Variants in SKOR2 observed in about 807,000 individuals in gnomAD.
The protein encoded by SKOR2 is LBX1 corepressor 1-like protein.
Under a neutral mutation model 69.1 loss-of-function variants are expected in SKOR2, and 47 were observed. That is an observed-to-expected ratio of 0.68 (90% confidence interval 0.54 to 0.87). The LOEUF (loss-of-function observed/expected upper bound fraction) is 0.87, where lower values mean the gene tolerates loss of function less well. SKOR2 is among the 40% of genes least tolerant of loss of function. SKOR2 has a pLI of 0.00. For missense variants in SKOR2, 1,404 were observed against 1,472.2 expected, an observed-to-expected ratio of 0.95 and a Z score of 0.76; for synonymous variants, 717 against 672.6, an observed-to-expected ratio of 1.07 and a Z score of -1.02.
chr18:47,212,408 T>C (rs760310505), intron 7 of SKOR2, among the ~76,000 whole-genome samples: 1 of 152,230 alleles, frequency 6.6e-6, no homozygotes, highest in Non-Finnish European at 1.5e-5. Context: ...CATGTGATGT[T>C]TCACTTTTTA....
intron 3 of SKOR2, among the ~76,000 whole-genome samples, chr18:47,245,185 A>C (rs1169247356): frequency 6.6e-6 from 1 of 152,208 alleles, no homozygotes; most frequent in African/African-American, 2.4e-5. Flanking sequence ...AAGATATCTA[A>C]GAATTTTAGC....
rs77073740 is a variant in SKOR2, at chr18:47,241,395, G to T, written c.2752+3513C>A. On this transcript the variant is annotated intron_variant, in intron 4 of 8. Transcript: ENST00000425639. ...ATTTCTGACACTTTGCCAAATAAAT[G>T]GATTCTCAGGATCTGACCACAAGTA... Among the ~76,000 whole-genome samples, 232 of 152,206 alleles carry T rather than the reference G, an allele frequency of 1.5e-3. 4 individuals are homozygous for T. In the East Asian group the frequency reaches 0.033, roughly 22 times the overall value.
rs2064278147 is a variant in SKOR2, at chr18:47,246,945, C to A, written c.2239G>T (p.Glu747Ter). 6.7e-7 allele frequency: 1 copy of A among 1,497,518 alleles called. No homozygotes were observed. Among genetic ancestry groups the A allele is most frequent in the Non-Finnish European group, 8.8e-7 (1 of 1,129,998 alleles). The allele number at this position is 1,497,518 out of a possible 1,614,324, so 92.8% of individuals were successfully genotyped here. Residue 747 changes from glutamate to a stop codon, truncating the protein, a stop_gained, in exon 2 of 9, where the codon GAG (glutamate) becomes TAG (stop). Coordinates refer to ENST00000425639, the MANE Select transcript of SKOR2 (RefSeq NM_001278063.4). LOFTEE classifies it high-confidence loss of function. Reference sequence around the variant, plus strand: ...TCGCCCTCGGGGGGCTTGTGGCCCTCCACGTCCACCTCCTGCTCTTCTTCC... The same window carrying A: ...TCGCCCTCGGGGGGCTTGTGGCCCTACACGTCCACCTCCTGCTCTTCTTCC... Reference protein sequence around the residue: ...DEEEEQEVDVEGHKPPEGEEE... With the variant: ...DEEEEQEVDV
At position 47,240,914 on chromosome 18, in the gene SKOR2, C is replaced by CT. The variant is rs757947968; in HGVS notation, c.2752+3993dup. Among the ~76,000 whole-genome samples, 6 of 152,164 alleles carry CT rather than the reference C, an allele frequency of 3.9e-5. No homozygotes were observed. In the East Asian group the frequency reaches 9.6e-4, roughly 24 times the overall value. The stretch of plus-strand genomic sequence containing the variant: ...AGGCAGTTTGAAAAGACATTTCGTT[C>CT]TTTTTTTGTTATAGCTATATAAGCA... On this transcript the variant is annotated intron_variant, in intron 4 of 8. Coordinates refer to ENST00000425639, the MANE Select transcript of SKOR2 (RefSeq NM_001278063.4).
intron 4 of SKOR2, among the ~76,000 whole-genome samples, chr18:47,238,153 T>C (rs1218042228): frequency 1.3e-5 from 2 of 152,178 alleles, no homozygotes; most frequent in African/African-American, 4.8e-5. Context: ...AGTACTATTG[T>C]TGACACTTCA....
intron 4 of SKOR2, among the ~76,000 whole-genome samples, chr18:47,232,695 C>T (rs753526786): frequency 1.3e-5 from 2 of 152,146 alleles, no homozygotes; most frequent in Non-Finnish European, 2.9e-5. Context: ...CCTAGCACAG[C>T]GCTGAACATA....
intron 5 of SKOR2, 99 bp downstream of exon 5, chr18:47,230,836 T>C (rs2064194915): frequency 2.5e-6 from 3 of 1,220,244 alleles, no homozygotes; most frequent in Non-Finnish European, 3.4e-6. Context: ...ATGTTGCTTG[T>C]CAAGCTAAAA....
chr18:47,222,575 C>T (rs1381765022), intron 6 of SKOR2, among the ~76,000 whole-genome samples: 6 of 152,220 alleles, frequency 3.9e-5, no homozygotes, highest in Admixed American at 6.5e-5. Flanking sequence ...CTTGGTCCTG[C>T]GCTGTGGCCC....
At chr18:47,207,870 G>T (rs2064117512) in intron 8 of SKOR2, among the ~76,000 whole-genome samples, 1 of 152,150 alleles carries the variant, frequency 6.6e-6, no homozygotes. Flanking sequence ...CCAGAAAGAT[G>T]CAACGTAGCA....
intron 6 of SKOR2, among the ~76,000 whole-genome samples, chr18:47,228,316 G>A (rs1227580457): frequency 6.6e-6 from 1 of 152,146 alleles, no homozygotes; most frequent in Non-Finnish European, 1.5e-5. Context: ...CTGTTTAATT[G>A]AAGTGTTTCA....
At chr18:47,246,443 C>A in intron 2 of SKOR2, 128 bp downstream of exon 2, 1 of 1,261,762 alleles carries the variant, frequency 7.9e-7, no homozygotes, top group African/African-American at 1.6e-5. Flanking sequence ...CTCCTAAACA[C>A]ACTGAATATT....
In SKOR2 at chr18:47,230,967, G is replaced by T; in HGVS notation, c.2786C>A (p.Ser929Ter). 2 of 1,535,570 alleles carry T rather than the reference G, an allele frequency of 1.3e-6. No individual in the cohort carries two copies. The highest frequency in any genetic ancestry group is 8.7e-7 in the Non-Finnish European group (1 of 1,146,672). ...EHTQETNSPH[S>*]LKKDVENMGK... The stretch of plus-strand genomic sequence containing the variant: ...CATATTTTCTACATCCTTTTTCAGT[G>T]AATGAGGTGAGTTGGTTTCTTGTGT... The change falls in exon 5 of 9, where the codon TCA (serine) becomes TAA (stop). Residue 929 changes from serine (S) to a stop codon, truncating the protein, a stop_gained. Coordinates refer to ENST00000425639, the MANE Select transcript of SKOR2 (RefSeq NM_001278063.4). LOFTEE classifies it high-confidence loss of function.
In SKOR2 at chr18:47,248,155, G is replaced by T; in HGVS notation, c.1029C>A (p.Gly343=). The T allele has an allele frequency of 1.6e-6, 2 of 1,254,830 alleles. No individual in the cohort carries two copies. The highest frequency in any genetic ancestry group is 3.1e-4 in the Middle Eastern group (1 of 3,270). The allele number at this position is 1,254,830 out of a possible 1,614,324, so 77.7% of individuals were successfully genotyped here. ...CGCCGCCCCCACCAGTCCCCGCGCC[G>T]CCCGAAGCAGCAGCCACAGAGAGGC... is the stretch of plus-strand genomic sequence containing the variant. ...AASLSVAAAS[G]GAGTGGGGAG... is the part of the protein sequence containing the mutation. Residue 343 remains glycine (G), a synonymous_variant, in exon 2 of 9, where the codon GGC becomes GGA. Coordinates refer to ENST00000425639, the MANE Select transcript of SKOR2 (RefSeq NM_001278063.4). This position sits in a 1 kb window ranked among gnomAD's most constrained non-coding sequence, Gnocchi z 6.4.
In SKOR2 at chr18:47,230,519, G is replaced by A. The variant is rs75475550; in HGVS notation, c.2857C>T (p.Arg953Trp). 58 of 1,439,698 alleles carry A rather than the reference G, an allele frequency of 4.0e-5. No individual in the cohort carries two copies. Among genetic ancestry groups the A allele is most frequent in the South Asian group, 3.9e-4 (25 of 64,050 alleles). 89.2% of individuals were successfully genotyped at this position (1,439,698 alleles called of 1,614,324 possible). Residue 953 changes from arginine (R) to tryptophan (W), a missense_variant, in exon 6 of 9, where the codon CGG (arginine) becomes TGG (tryptophan). Around this residue, in one of 3 missense-constraint regions of SKOR2, gnomAD observed 1,266 missense variants for 1,309.9 expected, o/e 0.97. Transcript: ENST00000425639. ...TGGAATTCTTGTTCCAGTCGTCTCC[G>A]TAAATCTATTTGTTCAAATAAAACC... ...QKVLFEQIDL[R>W]RRLEQEFQVL...
chr18:47,247,722 G>A lies in SKOR2; in HGVS notation c.1462C>T (p.Pro488Ser). The A allele has an allele frequency of 1.5e-6, 2 of 1,361,226 alleles. No homozygotes were observed. Among genetic ancestry groups the A allele is most frequent in the Non-Finnish European group, 1.9e-6 (2 of 1,066,898 alleles). 84.3% of individuals were successfully genotyped at this position (1,361,226 alleles called of 1,614,324 possible). The change falls in exon 2 of 9, where the codon CCG becomes TCG. Residue 488 changes from proline (P) to serine (S), a missense_variant. This residue lies in a region of SKOR2 where 1,266 missense variants were observed against 1,309.9 expected (regional missense o/e 0.97). Transcript: ENST00000425639. The surrounding 1 kb of genome is among the most constrained non-coding windows in gnomAD (Gnocchi z 6.6). ...GLPVPTYLQP[P>S]PQPPSALGCA... ...CCTAGCGCCGAGGGCGGCTGAGGCG[G>A]GGGCTGCAGGTAGGTGGGCACCGGG...
At chr18:47,213,599 G>GA (rs919780142) in intron 7 of SKOR2, among the ~76,000 whole-genome samples, 8 of 150,682 alleles carry the variant, frequency 5.3e-5, no homozygotes, top group Admixed American at 3.3e-4. Flanking sequence ...TTTTTAACAG[G>GA]AAAAAAAAGG....
At chr18:47,212,210 A>G in intron 7 of SKOR2, 59 bp from the exon 8 acceptor site, 1 of 1,219,950 alleles carries the variant, frequency 8.2e-7, no homozygotes. Context: ...ACAGATATGT[A>G]ATGGAGACCC....
intron 2 of SKOR2, 51 bp from the exon 3 acceptor site, chr18:47,245,612 T>C: frequency 6.9e-7 from 1 of 1,450,526 alleles, no homozygotes; most frequent in Non-Finnish European, 9.1e-7. Flanking sequence ...TCAAACCATA[T>C]GCTAATGTCA....
rs1254279603 is a variant in SKOR2 at position 47,248,086 on chromosome 18, C to G, written c.1098G>C (p.Ala366=). The change falls in exon 2 of 9, where the codon GCG becomes GCC. Residue 366 remains alanine (A), a synonymous_variant. Coordinates refer to ENST00000425639, the MANE Select transcript of SKOR2 (RefSeq NM_001278063.4). This position sits in a 1 kb window ranked among gnomAD's most constrained non-coding sequence, Gnocchi z 6.4. ...CVAGVGVGAG[A]GAGAGAGAKG... is the part of the protein sequence containing the mutation. ...TGGCCCCTGCCCCGGCACCCGCCCC[C>G]GCGCCCGCGCCCACGCCCACGCCGG... is the stretch of plus-strand genomic sequence containing the variant. The G allele has an allele frequency of 8.0e-6, 11 of 1,379,028 alleles. No homozygotes were observed. The highest frequency in any genetic ancestry group is 3.1e-5 in the East Asian group (1 of 31,842). The allele number at this position is 1,379,028 out of a possible 1,614,324, so 85.4% of individuals were successfully genotyped here.
Sources: gnomAD v4.1 joint callset for allele counts (sites outside exome capture counted in the v4.1 genomes callset) on GRCh38, gnomAD v4.1.1 for gene constraint, gnomAD v4.1.1 regional missense constraint, Gnocchi (gnomAD v3.1) non-coding constraint, MANE v1.5 for transcripts, NCBI Gene and HGNC (gene_info 2026-07-23, HGNC 2026-07-21) for gene names.